DNAH7: variants seen among roughly 807,000 people sequenced by gnomAD.
The protein encoded by DNAH7 is axonemal beta dynein heavy chain 7.
In DNAH7, 397 loss-of-function variants were observed where a neutral mutation model predicts 444.6. The observed-to-expected ratio is 0.89, with a 90% CI of 0.82 to 0.97. The LOEUF (loss-of-function observed/expected upper bound fraction) is 0.97, where lower values mean the gene tolerates loss of function less well. Ranked by LOEUF, DNAH7 falls within the 50% of genes least tolerant of loss-of-function variation. DNAH7 has a pLI of 0.00. For synonymous variants in DNAH7, 1,636 were observed against 1,624.4 expected, an observed-to-expected ratio of 1.01 and a Z score of -0.17; for missense variants, 4,902 against 4,800.8, an observed-to-expected ratio of 1.02 and a Z score of -0.62.
chr2:195,926,222 CA>C (rs1439507757), intron 22 of DNAH7, among the ~76,000 whole-genome samples: 1 of 151,966 alleles, frequency 6.6e-6, no homozygotes, highest in Non-Finnish European at 1.5e-5. Context: ...ATGATTTAAA[CA>C]TAAATTTTGA....
intron 60 of DNAH7, among the ~76,000 whole-genome samples, chr2:195,772,220 C>T (rs534486746): frequency 2.6e-5 from 4 of 152,172 alleles, no homozygotes; most frequent in Admixed American, 1.3e-4. Flanking sequence ...AAGCATTGCA[C>T]TGGTGGAGTG....
intron 19 of DNAH7, among the ~76,000 whole-genome samples, chr2:195,952,384 T>C (rs1690321224): frequency 6.6e-6 from 1 of 152,144 alleles, no homozygotes; most frequent in South Asian, 2.1e-4. Flanking sequence ...TCAACCTTGG[T>C]GAATCTGACG....
At chr2:195,803,422 T>C (rs985874511) in intron 54 of DNAH7, among the ~76,000 whole-genome samples, 3 of 152,202 alleles carry the variant, frequency 2.0e-5, no homozygotes, top group Admixed American at 6.5e-5. Flanking sequence ...CAGAGACAAA[T>C]TGCAGTGTTT....
intron 1 of DNAH7, among the ~76,000 whole-genome samples, chr2:196,060,791 G>A (rs1698092130): frequency 6.6e-6 from 1 of 152,046 alleles, no homozygotes; most frequent in Admixed American, 6.5e-5. Context: ...TAAATTCTCA[G>A]GCCTCATTTT....
intron 5 of DNAH7, among the ~76,000 whole-genome samples, chr2:196,034,345 C>A (rs1197006228): frequency 6.6e-6 from 1 of 152,126 alleles, no homozygotes; most frequent in Admixed American, 6.5e-5. Context: ...AAGATTTCTA[C>A]ACAAAAATGT....
chr2:195,889,916 A>C (rs1701918978), intron 31 of DNAH7, among the ~76,000 whole-genome samples: 1 of 152,206 alleles, frequency 6.6e-6, no homozygotes, highest in Admixed American at 6.5e-5. Flanking sequence ...ATAAATATGA[A>C]AATATTTATA....
rs139488533 is a variant in DNAH7, at chr2:195,933,449, T to C, written c.3471+1142A>G. 0.019 allele frequency among the ~76,000 whole-genome samples: 2,939 copies of C among 152,200 alleles called. 237 individuals are homozygous for C. In the East Asian group the frequency reaches 0.27, roughly 14 times the overall value. Reference sequence around the variant, plus strand: ...ATGCTGCTATAAAGACATATGCACATGTATGTTTATTGCAGCACTATTCAC... The same window carrying C: ...ATGCTGCTATAAAGACATATGCACACGTATGTTTATTGCAGCACTATTCAC... On this transcript the variant is annotated intron_variant, in intron 21 of 64. Coordinates refer to ENST00000312428, the MANE Select transcript of DNAH7 (RefSeq NM_018897.3).
chr2:195,824,556 A>G, intron 48 of DNAH7, 111 bp from the exon 49 acceptor site: 3 of 898,140 alleles, frequency 3.3e-6, no homozygotes, highest in Non-Finnish European at 4.7e-6. Context: ...CTGTTCCTAG[A>G]TACCTACAAA....
In DNAH7 at chr2:195,976,960, T is replaced by C. The variant is rs575160919; in HGVS notation, c.1834-4494A>G. Among the ~76,000 whole-genome samples the C allele has an allele frequency of 3.0e-3, 463 of 152,226 alleles. 3 individuals carry two copies. Among genetic ancestry groups the C allele is most frequent in the African/African-American group, 0.011 (444 of 41,528 alleles). ...TCCCTTAATGCAGACACAGAAGAAG[T>C]GACCAAAAACTTAGATCACAACATT... On this transcript the variant is annotated intron_variant, in intron 15 of 64. Coordinates refer to ENST00000312428, the MANE Select transcript of DNAH7 (RefSeq NM_018897.3).
rs1241360833 is a variant in DNAH7 at position 195,943,909 on chromosome 2, C to T, written c.3079-7117G>A. On this transcript the variant is annotated intron_variant, in intron 19 of 64. Coordinates refer to ENST00000312428, the MANE Select transcript of DNAH7 (RefSeq NM_018897.3). ...CCATATAATTAAGTTCCTCCTTTTGCAGTTGCACCTGCTACTAAGCAATCA... is the reference window on the plus strand; with the variant it reads ...CCATATAATTAAGTTCCTCCTTTTGTAGTTGCACCTGCTACTAAGCAATCA... Among the ~76,000 whole-genome samples, 6 of 152,184 alleles carry T rather than the reference C, an allele frequency of 3.9e-5. No homozygotes were observed. The South Asian group carries it at 1.0e-3, about 26-fold the overall frequency.
At chr2:195,832,434 T>G (rs1252760635) in intron 48 of DNAH7, among the ~76,000 whole-genome samples, 1 of 151,788 alleles carries the variant, frequency 6.6e-6, no homozygotes, top group Non-Finnish European at 1.5e-5. Context: ...TTTTGGTTTT[T>G]TCTTTCTTTC....
intron 41 of DNAH7, among the ~76,000 whole-genome samples, chr2:195,862,642 C>T (rs552936718): frequency 4.6e-5 from 7 of 151,952 alleles, no homozygotes; most frequent in East Asian, 1.9e-4. Flanking sequence ...TTCTGTCACC[C>T]TCTCCTTCCT....
chr2:195,876,483 C>T, intron 37 of DNAH7, 61 bp downstream of exon 37: 3 of 1,497,760 alleles, frequency 2.0e-6, no homozygotes, highest in Non-Finnish European at 2.7e-6. Context: ...TATTTGGTTT[C>T]CTTGTTCCAA....
intron 52 of DNAH7, 31 bp downstream of exon 52, chr2:195,809,713 GT>G (rs759786225): frequency 2.6e-5 from 39 of 1,489,806 alleles, no homozygotes; most frequent in Non-Finnish European, 3.0e-5. Context: ...GTTATTAAGG[GT>G]TTTTTTCTTA....
chr2:195,815,295 C>T (rs1355236649), intron 51 of DNAH7, among the ~76,000 whole-genome samples: 1 of 151,864 alleles, frequency 6.6e-6, no homozygotes, highest in Non-Finnish European at 1.5e-5. Context: ...TGCATTTCTT[C>T]CAAAAAAAAT....
intron 54 of DNAH7, among the ~76,000 whole-genome samples, chr2:195,801,291 AATAT>A (rs72396547): frequency 1.3e-5 from 2 of 148,720 alleles, no homozygotes; most frequent in African/African-American, 2.5e-5. Context: ...CCTGCTCTGA[AATAT>A]ATATATATAT....
At chr2:195,932,945 G>A (rs919819057) in intron 21 of DNAH7, among the ~76,000 whole-genome samples, 7 of 152,132 alleles carry the variant, frequency 4.6e-5, no homozygotes, top group African/African-American at 1.7e-4. Context: ...AAATGAGTTA[G>A]GGAAGATTCC....
chr2:195,841,240 G>A (rs1394163718), intron 47 of DNAH7, among the ~76,000 whole-genome samples: 1 of 150,290 alleles, frequency 6.7e-6, no homozygotes, highest in Non-Finnish European at 1.5e-5. Flanking sequence ...CTCTCTCTCT[G>A]TCTCTCTCTC....
rs1049221531 is a variant in DNAH7, at chr2:195,926,586, C to T, written c.3472-20G>A. On this transcript the variant is annotated intron_variant, in intron 21 of 64. Transcript: ENST00000312428. ...AGTTACCTAATCAAAAAAGAATATG[C>T]TAAATATTAACCATTTCCTGAACAA... 1.9e-6 allele frequency: 3 copies of T among 1,567,232 alleles called. No homozygotes were observed. Among genetic ancestry groups the T allele is most frequent in the Non-Finnish European group, 2.6e-6 (3 of 1,159,982 alleles).
Sources: gnomAD v4.1 joint callset for allele counts (sites outside exome capture counted in the v4.1 genomes callset) on GRCh38, gnomAD v4.1.1 for gene constraint, MANE v1.5 for transcripts, NCBI Gene and HGNC (gene_info 2026-07-23, HGNC 2026-07-21) for gene names.